FAM168B: variants seen among roughly 807,000 people sequenced by gnomAD.
The protein encoded by FAM168B is myelin-associated neurite-outgrowth inhibitor.
A neutral mutation model predicts 21.8 loss-of-function variants in FAM168B; 19 were observed. The observed-to-expected ratio is 0.87, with a 90% CI of 0.61 to 1.28. The LOEUF (loss-of-function observed/expected upper bound fraction) is 1.28, where lower values mean the gene tolerates loss of function less well. Among genes scored for constraint, FAM168B ranks in the 50% most tolerant of loss-of-function variants. FAM168B has a pLI of 0.00. For synonymous variants in FAM168B, 126 were observed against 104.8 expected (o/e 1.20, Z -1.24); for missense variants, 233 against 263.1 (o/e 0.89, Z 0.79).
intron 3 of FAM168B, among the ~76,000 whole-genome samples, chr2:131,065,643 A>G (rs1262296893): frequency 6.6e-6 from 1 of 151,962 alleles, no homozygotes; most frequent in Non-Finnish European, 1.5e-5. Flanking sequence ...TACAAAAATT[A>G]GCCGGCGTGG....
intron 3 of FAM168B, among the ~76,000 whole-genome samples, chr2:131,067,569 C>G (rs1205918104): frequency 6.6e-6 from 1 of 152,112 alleles, no homozygotes; most frequent in Non-Finnish European, 1.5e-5. Context: ...AGTGAGACCC[C>G]ATCTCTACAA....
intron 3 of FAM168B, among the ~76,000 whole-genome samples, chr2:131,070,269 A>G (rs1176613647): frequency 6.6e-6 from 1 of 152,246 alleles, no homozygotes; most frequent in Admixed American, 6.5e-5. Flanking sequence ...CTCAACGATA[A>G]GAAAACAATA....
At chr2:131,064,507 T>C (rs1313778429) in intron 3 of FAM168B, among the ~76,000 whole-genome samples, 4 of 152,136 alleles carry the variant, frequency 2.6e-5, no homozygotes, top group African/African-American at 7.2e-5. Flanking sequence ...TGGAAAGCCA[T>C]TGAGCAAACA....
intron 3 of FAM168B, among the ~76,000 whole-genome samples, chr2:131,060,313 C>T (rs570949594): frequency 1.3e-5 from 2 of 152,116 alleles, no homozygotes; most frequent in Admixed American, 6.5e-5. Flanking sequence ...CGTGAGCCAC[C>T]GCGCCCGGCC....
chr2:131,085,005 A>G (rs1164424201), intron 1 of FAM168B, among the ~76,000 whole-genome samples: 2 of 152,182 alleles, frequency 1.3e-5, no homozygotes, highest in African/African-American at 4.8e-5. Flanking sequence ...GTAAGCTTTC[A>G]CTATTCCTCA....
intron 1 of FAM168B, among the ~76,000 whole-genome samples, chr2:131,092,867 T>C (rs914712942): frequency 3.9e-4 from 60 of 152,186 alleles, no homozygotes; most frequent in African/African-American, 1.4e-3. Flanking sequence ...CAGTTACACA[T>C]TGGAAATGAC....
chr2:131,055,411 A>C lies in FAM168B; in HGVS notation c.336T>G (p.Pro112=), dbSNP rs772022280. The change falls in exon 5 of 7, where the codon CCT becomes CCG. Residue 112 remains proline (P), a synonymous_variant. Transcript: ENST00000389915. ...TYYTQPLYAA[P]PHVIHHTTVV... ...CCGTGGTGTGGTGGATGACGTGAGG[A>C]GGTGCTGCATACAGCGGCTGTGTGT... 7.5e-6 allele frequency: 12 copies of C among 1,608,218 alleles called. No homozygotes were observed. In the African/African-American group the frequency reaches 1.6e-4, roughly 22 times the overall value.
rs1013145691 is a variant in FAM168B at position 131,049,190 on chromosome 2, G to A, written c.*3275C>T. On this transcript the variant is annotated 3_prime_UTR_variant, in exon 7 of 7. Transcript: ENST00000389915. ...CTCTCGTTACTGTTGTGTCCCCCAAGACACATGCAAATTATTTCCTAGACC... is the reference window on the plus strand; with the variant it reads ...CTCTCGTTACTGTTGTGTCCCCCAAAACACATGCAAATTATTTCCTAGACC... 1 of 985,386 alleles carries A rather than the reference G, an allele frequency of 1.0e-6. No individual in the cohort carries two copies. The highest frequency in any genetic ancestry group is 1.7e-5 in the African/African-American group (1 of 57,332). The allele number at this position is 985,386 out of a possible 1,614,324, so 61.0% of individuals were successfully genotyped here. A position where few individuals can be genotyped will look rare whatever the true frequency, so the allele number is the denominator to read the frequency against.
At chr2:131,088,329 G>A (rs1192591396) in intron 1 of FAM168B, among the ~76,000 whole-genome samples, 2 of 151,416 alleles carry the variant, frequency 1.3e-5, no homozygotes, top group African/African-American at 4.9e-5. Flanking sequence ...TATGCTGAAT[G>A]ACACCATGAA....
intron 1 of FAM168B, among the ~76,000 whole-genome samples, chr2:131,087,851 T>A (rs748290022): frequency 6.6e-6 from 1 of 152,232 alleles, no homozygotes; most frequent in Non-Finnish European, 1.5e-5. Flanking sequence ...AACAGCATTA[T>A]TCCTAACAGC....
intron 3 of FAM168B, 23 bp downstream of exon 3, chr2:131,071,832 G>T: frequency 6.2e-7 from 1 of 1,602,596 alleles, no homozygotes; most frequent in Non-Finnish European, 8.5e-7. Context: ...TACGTACAAA[G>T]CATTTTACCA....
rs1272263753 is a variant in FAM168B at position 131,087,989 on chromosome 2, T to TA, written c.-12+5224dup. Among the ~76,000 whole-genome samples the TA allele has an allele frequency of 1.3e-4, 20 of 152,292 alleles. 1 individual carries two copies. The highest frequency in any genetic ancestry group is 4.8e-4 in the African/African-American group (20 of 41,570). ...GGCTGGTTGCAGTGGCTCATCCCTG[T>TA]AATCCCAGCACTTTGGGAGGCCGAT... On this transcript the variant is annotated intron_variant, in intron 1 of 6. Coordinates refer to ENST00000389915, the MANE Select transcript of FAM168B (RefSeq NM_001009993.4).
intron 3 of FAM168B, 94 bp from the exon 4 acceptor site, chr2:131,055,789 C>T (rs1040933826): frequency 1.4e-6 from 2 of 1,472,190 alleles, no homozygotes; most frequent in African/African-American, 1.4e-5. Flanking sequence ...GCGTGTCAGC[C>T]CCACGCAACT....
chr2:131,064,473 A>G (rs1345206412), intron 3 of FAM168B, among the ~76,000 whole-genome samples: 1 of 152,168 alleles, frequency 6.6e-6, no homozygotes, highest in Non-Finnish European at 1.5e-5. Flanking sequence ...AGGTACCCCA[A>G]TTCTCAGCAA....
At chr2:131,082,238 G>A (rs1693461356) in intron 2 of FAM168B, among the ~76,000 whole-genome samples, 1 of 152,204 alleles carries the variant, frequency 6.6e-6, no homozygotes, top group African/African-American at 2.4e-5. Context: ...CTGTAGAGTG[G>A]AGGTAAAGAG....
rs1691542360 is a variant in FAM168B, at chr2:131,049,885, A to G, written c.*2580T>C. The G allele has an allele frequency of 2.0e-6, 2 of 985,730 alleles. No individual in the cohort carries two copies. Among genetic ancestry groups the G allele is most frequent in the Non-Finnish European group, 1.2e-6 (1 of 829,944 alleles). The allele number at this position is 985,730 out of a possible 1,614,324, so 61.1% of individuals were successfully genotyped here. ...CTTAATTGACTTTAATTTTACTAGA[A>G]GCGAATGTTGATAAAATTACAACCT... On this transcript the variant is annotated 3_prime_UTR_variant, in exon 7 of 7. Transcript: ENST00000389915.
chr2:131,065,817 AAAAAG>A (rs1328382226), intron 3 of FAM168B, among the ~76,000 whole-genome samples: 2 of 151,756 alleles, frequency 1.3e-5, no homozygotes, highest in African/African-American at 4.8e-5. Context: ...GAAAAAAAAA[AAAAAG>A]AAAAGAAAGC....
chr2:131,068,068 CA>C (rs1157025565), intron 3 of FAM168B, among the ~76,000 whole-genome samples: 1 of 152,172 alleles, frequency 6.6e-6, no homozygotes, highest in African/African-American at 2.4e-5. Context: ...GACATGAAAA[CA>C]GAGAGGATAC....
chr2:131,080,135 TGA>T (rs995801507), intron 2 of FAM168B, among the ~76,000 whole-genome samples: 2 of 150,770 alleles, frequency 1.3e-5, no homozygotes, highest in African/African-American at 4.9e-5. Context: ...AAAAAAATGT[TGA>T]GAGTTGTTCA....
Sources: allele counts gnomAD v4.1 joint callset (sites outside exome capture counted in the v4.1 genomes callset), GRCh38; gene constraint gnomAD v4.1.1; transcripts MANE v1.5; gene names NCBI Gene and HGNC (gene_info 2026-07-23, HGNC 2026-07-21).